SLC45A1: variants seen among roughly 807,000 people sequenced by gnomAD.
SLC45A1 encodes proton-associated sugar transporter A.
A neutral mutation model predicts 57.6 loss-of-function variants in SLC45A1; 28 were observed. The observed-to-expected ratio is 0.49, with a 90% CI of 0.36 to 0.67. The LOEUF is 0.67. SLC45A1 is among the 30% of genes least tolerant of loss of function. The probability of loss-of-function intolerance (pLI) is 0.00; values close to 1 mark genes in which losing one functional copy is unlikely to be tolerated. For synonymous variants in SLC45A1, 459 were observed against 471.5 expected, an observed-to-expected ratio of 0.97 and a Z score of 0.34; for missense variants, 814 against 1,041.5, an observed-to-expected ratio of 0.78 and a Z score of 3.01.
At chr1:8,323,490 C>CAA (rs34956825) in intron 1 of SLC45A1, among the ~76,000 whole-genome samples, 1,446 of 127,284 alleles carry the variant, frequency 0.011, 25 homozygotes, top group South Asian at 0.045. Flanking sequence ...GACTCTGTCT[C>CAA]AAAAAAAAAA....
chr1:8,338,087 C>T (rs911266058), intron 7 of SLC45A1, 95 bp downstream of exon 7: 4 of 1,146,640 alleles, frequency 3.5e-6, no homozygotes, highest in Non-Finnish European at 5.0e-6. Flanking sequence ...CTTACGATTG[C>T]AGACACCACA....
In SLC45A1 at chr1:8,335,498, G is replaced by C; in HGVS notation, c.1505G>C (p.Arg502Pro). 1.2e-6 allele frequency: 2 copies of C among 1,602,766 alleles called. No individual in the cohort carries two copies. The highest frequency in any genetic ancestry group is 1.7e-6 in the Non-Finnish European group (2 of 1,179,574). ...YESELTGSSE[R>P]AEQPLSVGRL... is the part of the protein sequence containing the mutation. ...AGCGAGCTGACGGGCTCCAGCGAGC[G>C]CGCGGAGCAGCCTCTGTCCGTGGGG... Residue 502 changes from arginine (R) to proline (P), a missense_variant, in exon 6 of 9, where the codon CGC (arginine) becomes CCC (proline). Arg to Pro is a moderately radical substitution (Grantham distance 103). Transcript: ENST00000471889. The surrounding 1 kb of genome is among the most constrained non-coding windows in gnomAD (Gnocchi z 4.1).
chr1:8,326,439 A>G lies in SLC45A1; in HGVS notation c.715+397A>G, dbSNP rs1270405255. ...ACGGATCAACACATAACCTTGTTGT[A>G]TGTGTTTCTGTTTAAAACCCCTTAT... On this transcript the variant is annotated intron_variant, in intron 4 of 8. Coordinates refer to ENST00000471889, the MANE Select transcript of SLC45A1 (RefSeq NM_001080397.3). The surrounding 1 kb of genome is among the most constrained non-coding windows in gnomAD (Gnocchi z 5.5). Among the ~76,000 whole-genome samples, 1 of 152,180 alleles carries G rather than the reference A, an allele frequency of 6.6e-6. No homozygotes were observed. Among genetic ancestry groups the G allele is most frequent in the Non-Finnish European group, 1.5e-5 (1 of 68,042 alleles).
chr1:8,318,506 A>G (rs1639893401), intron 1 of SLC45A1, among the ~76,000 whole-genome samples: 1 of 152,136 alleles, frequency 6.6e-6, no homozygotes, highest in Non-Finnish European at 1.5e-5. Context: ...CCTGGTCCCT[A>G]GTCACCTGGG....
Position 8,325,880 on chromosome 1 carries a change from G to A in SLC45A1, c.553G>A (p.Val185Met), listed in dbSNP as rs772139077. ...GGACATTGGCATCGCCCTGGCTGAC[G>A]TGACCGGGAACCACAAGTGGGGCCT... ...GRDIGIALAD[V>M]TGNHKWGLLL... The change falls in exon 4 of 9, where the codon GTG becomes ATG. Residue 185 changes from valine to methionine, a missense_variant. Coordinates refer to ENST00000471889, the MANE Select transcript of SLC45A1 (RefSeq NM_001080397.3). The surrounding 1 kb of genome is among the most constrained non-coding windows in gnomAD (Gnocchi z 6.3). 1.5e-5 allele frequency: 25 copies of A among 1,613,904 alleles called. No homozygotes were observed. In the Admixed American group the frequency reaches 2.0e-4, roughly 13 times the overall value.
intron 5 of SLC45A1, among the ~76,000 whole-genome samples, chr1:8,332,565 G>A (rs1215010316): frequency 6.7e-6 from 1 of 150,074 alleles, no homozygotes; most frequent in Non-Finnish European, 1.5e-5. Flanking sequence ...AGGCTGGAGT[G>A]CAGTGATGCG....
At chr1:8,341,409 C>CAT (rs1351990662) in intron 8 of SLC45A1, among the ~76,000 whole-genome samples, 2 of 150,778 alleles carry the variant, frequency 1.3e-5, no homozygotes, top group African/African-American at 4.9e-5. Context: ...GTGGCGGACG[C>CAT]CTATAGTCCC....
Position 8,330,194 on chromosome 1 carries a change from T to G in SLC45A1, c.716-15T>G, listed in dbSNP as rs1640339492. On this transcript the variant is annotated splice_polypyrimidine_tract_variant and intron_variant, in intron 4 of 8. Transcript: ENST00000471889. The surrounding 1 kb of genome is among the most constrained non-coding windows in gnomAD (Gnocchi z 8.4). The stretch of plus-strand genomic sequence containing the variant: ...CTCCCGCAGAAGGGAACTCAAACCC[T>G]GTCTCTTTCCCCAGGTCTCGGAGGA... 7.5e-6 allele frequency: 12 copies of G among 1,608,994 alleles called. No homozygotes were observed. The highest frequency in any genetic ancestry group is 1.0e-5 in the Non-Finnish European group (12 of 1,177,058).
In SLC45A1 at chr1:8,330,324, G is replaced by T. The variant is rs56125713; in HGVS notation, c.831G>T (p.Leu277=). The T allele has an allele frequency of 6.2e-7, 1 of 1,613,410 alleles. No homozygotes were observed. Among genetic ancestry groups the T allele is most frequent in the Non-Finnish European group, 8.5e-7 (1 of 1,179,928 alleles). ...RVIYLFTAVT[L]SVTTVLTLVS... Reference sequence around the variant, plus strand: ...TTTACCTCTTCACTGCGGTCACCCTGAGCGTCACCACCGTCCTGACCCTGG... The same window carrying T: ...TTTACCTCTTCACTGCGGTCACCCTTAGCGTCACCACCGTCCTGACCCTGG... Residue 277 remains leucine, a synonymous_variant, in exon 5 of 9, where the codon CTG becomes CTT. Transcript: ENST00000471889. This position sits in a 1 kb window ranked among gnomAD's most constrained non-coding sequence, Gnocchi z 8.4.
rs775330438 is a variant in SLC45A1, at chr1:8,343,778, G to A, written c.2012G>A (p.Arg671Gln). The A allele has an allele frequency of 7.4e-6, 12 of 1,613,614 alleles. No homozygotes were observed. The highest frequency in any genetic ancestry group is 2.7e-5 in the African/African-American group (2 of 74,912). ...FAGSSADGTRRGMGVDISLLS... is the reference protein window; with the variant it reads ...FAGSSADGTRQGMGVDISLLS... ...GGGTCCAGTGCGGACGGCACCCGGC[G>A]GGGCATGGGCGTGGACATCTCTCTG... is the stretch of plus-strand genomic sequence containing the variant. Residue 671 changes from arginine to glutamine, a missense_variant, in exon 9 of 9, where the codon CGG (arginine) becomes CAG (glutamine). Coordinates refer to ENST00000471889, the MANE Select transcript of SLC45A1 (RefSeq NM_001080397.3). This position sits in a 1 kb window ranked among gnomAD's most constrained non-coding sequence, Gnocchi z 7.7.
At chr1:8,340,137 T>C (rs1425939435) in intron 8 of SLC45A1, among the ~76,000 whole-genome samples, 1 of 151,778 alleles carries the variant, frequency 6.6e-6, no homozygotes, top group Non-Finnish European at 1.5e-5. Flanking sequence ...CAAAAATCCA[T>C]GGAGAACAAA....
chr1:8,342,221 A>G (rs979334490), intron 8 of SLC45A1, among the ~76,000 whole-genome samples: 17 of 152,190 alleles, frequency 1.1e-4, no homozygotes, highest in African/African-American at 3.9e-4. Flanking sequence ...AAATACATAC[A>G]TACATAAATA....
chr1:8,324,493 G>A lies in SLC45A1; in HGVS notation c.164G>A (p.Cys55Tyr), dbSNP rs773648347. The A allele has an allele frequency of 7.4e-6, 12 of 1,612,324 alleles. No individual in the cohort carries two copies. The highest frequency in any genetic ancestry group is 1.1e-5 in the South Asian group (1 of 91,074). The change falls in exon 2 of 9, where the codon TGC (cysteine) becomes TAC (tyrosine). Residue 55 changes from cysteine (C) to tyrosine (Y), a missense_variant. Transcript: ENST00000471889. ...AAACGACACCCCAAGAGGAGGAAGT[G>A]CATTCGTCCCTCCCCACCCCCGCCC... ...NFKRHPKRRK[C>Y]IRPSPPPPPN...
Position 8,335,919 on chromosome 1 carries a change from C to A in SLC45A1, c.1597+329C>A, listed in dbSNP as rs1019836570. On this transcript the variant is annotated intron_variant, in intron 6 of 8. Coordinates refer to ENST00000471889, the MANE Select transcript of SLC45A1 (RefSeq NM_001080397.3). This position sits in a 1 kb window ranked among gnomAD's most constrained non-coding sequence, Gnocchi z 4.1. ...ACAACTCCACAGTGAAATGATGGAC[C>A]CACACCTTCCCACCTTCCCACCTTC... is the stretch of plus-strand genomic sequence containing the variant. Among the ~76,000 whole-genome samples, 6 of 152,164 alleles carry A rather than the reference C, an allele frequency of 3.9e-5. No individual in the cohort carries two copies. The highest frequency in any genetic ancestry group is 1.4e-4 in the African/African-American group (6 of 41,436).
At chr1:8,333,884 G>A (rs1405438542) in intron 5 of SLC45A1, among the ~76,000 whole-genome samples, 2 of 152,234 alleles carry the variant, frequency 1.3e-5, no homozygotes, top group South Asian at 2.1e-4. Flanking sequence ...CATCTGTTGA[G>A]GTTCCTGGTG....
At position 8,325,757 on chromosome 1, in the gene SLC45A1, AGCT is replaced by A. The variant is rs1412882271; in HGVS notation, c.491-58_491-56del. 4 of 1,469,430 alleles carry A rather than the reference AGCT, an allele frequency of 2.7e-6. No individual in the cohort carries two copies. Among genetic ancestry groups the A allele is most frequent in the Non-Finnish European group, 3.8e-6 (4 of 1,064,346 alleles). The allele number at this position is 1,469,430 out of a possible 1,614,324, so 91.0% of individuals were successfully genotyped here. A position where few individuals can be genotyped will look rare whatever the true frequency, so the allele number is the denominator to read the frequency against. On this transcript the variant is annotated intron_variant, in intron 3 of 8. Transcript: ENST00000471889. The surrounding 1 kb of genome is among the most constrained non-coding windows in gnomAD (Gnocchi z 6.3). ...CTAAAGATTCTAGACATAAGTCGTG[AGCT>A]GCCGGGGACAGAGCTGGTCTGCATT...
In SLC45A1 at chr1:8,325,542, C is replaced by G. The variant is rs1640171729; in HGVS notation, c.490+152C>G. ...TGTGAGGCAGGGAGTGCCCCGCAAC[C>G]TGGCCTCAGTTAACTGTGAGAATAG... is the stretch of plus-strand genomic sequence containing the variant. On this transcript the variant is annotated intron_variant, in intron 3 of 8. Transcript: ENST00000471889. This position sits in a 1 kb window ranked among gnomAD's most constrained non-coding sequence, Gnocchi z 6.3. The G allele has an allele frequency of 9.2e-6, 6 of 651,020 alleles. No homozygotes were observed. In the East Asian group the frequency reaches 1.6e-4, roughly 18 times the overall value. The allele number at this position is 651,020 out of a possible 1,614,324, so 40.3% of individuals were successfully genotyped here.
chr1:8,333,818 G>A (rs1344818728), intron 5 of SLC45A1, among the ~76,000 whole-genome samples: 2 of 152,162 alleles, frequency 1.3e-5, no homozygotes, highest in East Asian at 1.9e-4. Context: ...TCACGCCTGC[G>A]TACCGTCTCA....
At chr1:8,342,082 CT>C (rs1434422636) in intron 8 of SLC45A1, among the ~76,000 whole-genome samples, 1 of 152,052 alleles carries the variant, frequency 6.6e-6, no homozygotes, top group Non-Finnish European at 1.5e-5. Flanking sequence ...TGGCGGGCGC[CT>C]GTAGTCCCAG....
Sources: allele counts gnomAD v4.1 joint callset (sites outside exome capture counted in the v4.1 genomes callset), GRCh38; gene constraint gnomAD v4.1.1; non-coding constraint Gnocchi (gnomAD v3.1); transcripts MANE v1.5; gene names NCBI Gene and HGNC (gene_info 2026-07-23, HGNC 2026-07-21).